Variants in KIRREL1 observed in about 807,000 individuals in gnomAD.
The protein encoded by KIRREL1 is kirre like nephrin family adhesion molecule 1.
In KIRREL1, 25 loss-of-function variants were observed where a neutral mutation model predicts 83.3. That is an observed-to-expected ratio of 0.30 (90% CI 0.22 to 0.42). The LOEUF (loss-of-function observed/expected upper bound fraction) is 0.42. KIRREL1 is among the 10% of genes least tolerant of loss of function. KIRREL1 has a pLI of 1.00. For missense variants in KIRREL1, 812 were observed against 1,032.3 expected, an observed-to-expected ratio of 0.79 and a Z score of 2.92; for synonymous variants, 388 against 410.4, an observed-to-expected ratio of 0.95 and a Z score of 0.66.
intron 1 of KIRREL1, among the ~76,000 whole-genome samples, chr1:158,023,234 T>C (rs1191824705): frequency 6.6e-6 from 1 of 152,182 alleles, no homozygotes; most frequent in East Asian, 1.9e-4. Context: ...GACTGGGCCA[T>C]GCCTTATCAT....
chr1:158,019,698 T>G (rs1337639039), intron 1 of KIRREL1, among the ~76,000 whole-genome samples: 1 of 151,940 alleles, frequency 6.6e-6, no homozygotes, highest in Non-Finnish European at 1.5e-5. Flanking sequence ...TTCCTCAAAT[T>G]CCAGGCTTGT....
chr1:158,058,403 C>G (rs967528602), intron 1 of KIRREL1, among the ~76,000 whole-genome samples: 4 of 152,194 alleles, frequency 2.6e-5, no homozygotes, highest in African/African-American at 9.6e-5. Flanking sequence ...GCTGTCTCTC[C>G]CTCCTCCCTC....
chr1:158,075,952 C>T (rs565659334), intron 1 of KIRREL1, among the ~76,000 whole-genome samples, 161 bp from the exon 2 acceptor site: 3 of 152,188 alleles, frequency 2.0e-5, no homozygotes, highest in Non-Finnish European at 4.4e-5. Flanking sequence ...AAGGACGTGG[C>T]ATCTTGAAAC....
chr1:158,060,361 T>C (rs1661181539), intron 1 of KIRREL1, among the ~76,000 whole-genome samples: 1 of 152,190 alleles, frequency 6.6e-6, no homozygotes, highest in African/African-American at 2.4e-5. Flanking sequence ...CCTCGTTCCC[T>C]TCTACTATTG....
chr1:158,015,214 A>G (rs6701102), intron 1 of KIRREL1, among the ~76,000 whole-genome samples: 281 of 152,298 alleles, frequency 1.8e-3, no homozygotes, highest in African/African-American at 6.4e-3. Context: ...TCTCCTAAGA[A>G]ACTGTGAGTA....
intron 1 of KIRREL1, among the ~76,000 whole-genome samples, chr1:158,000,648 C>A (rs1453552551): frequency 1.3e-5 from 2 of 152,196 alleles, no homozygotes; most frequent in Non-Finnish European, 2.9e-5. Context: ...CCCACTTACT[C>A]TCCCTCTATC....
intron 1 of KIRREL1, among the ~76,000 whole-genome samples, chr1:158,008,703 C>T (rs1461828326): frequency 6.6e-6 from 1 of 152,152 alleles, no homozygotes; most frequent in African/African-American, 2.4e-5. Flanking sequence ...CACCTTTACT[C>T]AGCACCATGT....
chr1:158,053,877 T>G (rs1250754508), intron 1 of KIRREL1, among the ~76,000 whole-genome samples: 1 of 152,126 alleles, frequency 6.6e-6, no homozygotes, highest in Non-Finnish European at 1.5e-5. Context: ...TCAGAGTTCT[T>G]CCAGTTTTTG....
intron 1 of KIRREL1, among the ~76,000 whole-genome samples, chr1:158,029,358 T>TAG (rs1383066440): frequency 6.7e-6 from 1 of 149,594 alleles, no homozygotes; most frequent in African/African-American, 2.5e-5. Flanking sequence ...TGTGTGTGTG[T>TAG]GTGTGTGTGC....
intron 1 of KIRREL1, among the ~76,000 whole-genome samples, chr1:157,994,910 C>T (rs1030091730): frequency 6.6e-6 from 1 of 152,158 alleles, no homozygotes. Flanking sequence ...TCCACCCGAA[C>T]GTTACAACTA....
At chr1:158,062,170 G>T (rs1293441496) in intron 1 of KIRREL1, among the ~76,000 whole-genome samples, 1 of 152,178 alleles carries the variant, frequency 6.6e-6, no homozygotes, top group African/African-American at 2.4e-5. Flanking sequence ...GGCTTCCCTG[G>T]CCTCTGCTCT....
chr1:158,016,168 G>T (rs906304506), intron 1 of KIRREL1, among the ~76,000 whole-genome samples: 1 of 152,066 alleles, frequency 6.6e-6, no homozygotes, highest in African/African-American at 2.4e-5. Context: ...GACAGGTGTA[G>T]TGGCGTCTGC....
chr1:158,040,092 T>G (rs10796990), intron 1 of KIRREL1, among the ~76,000 whole-genome samples: 123,442 of 152,202 alleles, frequency 0.81, 50,620 homozygotes, highest in East Asian at 0.99. Context: ...AAATTGTTGC[T>G]TTCCTTCATT....
intron 10 of KIRREL1, among the ~76,000 whole-genome samples, chr1:158,090,783 T>G (rs3768539): frequency 6.6e-6 from 1 of 152,188 alleles, no homozygotes; most frequent in East Asian, 1.9e-4. Context: ...GATTGAGTTA[T>G]GCTTAGTTAG....
rs374232027 is a variant in KIRREL1, at chr1:158,019,295, A to G, written c.52+25567A>G. 1.4e-3 allele frequency among the ~76,000 whole-genome samples: 220 copies of G among 152,284 alleles called. 1 individual carries two copies. Among genetic ancestry groups the G allele is most frequent in the African/African-American group, 5.1e-3 (213 of 41,556 alleles). ...GCTCCTGTGATGTTAGAGGAAGGGAAGGTGGAAAAAAAAGGCATTGAATTA... is the reference window on the plus strand; with the variant it reads ...GCTCCTGTGATGTTAGAGGAAGGGAGGGTGGAAAAAAAAGGCATTGAATTA... On this transcript the variant is annotated intron_variant, in intron 1 of 14. Transcript: ENST00000359209.
intron 1 of KIRREL1, among the ~76,000 whole-genome samples, chr1:158,042,941 A>G (rs1448410324): frequency 6.7e-6 from 1 of 150,028 alleles, no homozygotes; most frequent in Non-Finnish European, 1.5e-5. Context: ...CAAAAAAATT[A>G]GCCGGGCGTG....
intron 1 of KIRREL1, among the ~76,000 whole-genome samples, chr1:158,042,022 A>G (rs1422543121): frequency 6.6e-6 from 1 of 152,144 alleles, no homozygotes; most frequent in Non-Finnish European, 1.5e-5. Context: ...AACTTGCTAC[A>G]TTGCCTGAGC....
In KIRREL1 at chr1:158,042,777, T is replaced by TC. The variant is rs1660664477; in HGVS notation, c.53-33336_53-33335insC. Among the ~76,000 whole-genome samples, 4 of 152,106 alleles carry TC rather than the reference T, an allele frequency of 2.6e-5. No individual in the cohort carries two copies. The South Asian group carries it at 8.3e-4, about 32-fold the overall frequency. The stretch of plus-strand genomic sequence containing the variant: ...TCTGTGATGTTATTACTATGCCTTA[T>TC]AAATTAGCTTTGCCGGCTGGGCACG... On this transcript the variant is annotated intron_variant, in intron 1 of 14. Coordinates refer to ENST00000359209, the MANE Select transcript of KIRREL1 (RefSeq NM_018240.7).
intron 1 of KIRREL1, among the ~76,000 whole-genome samples, chr1:157,999,234 G>C (rs1420310112): frequency 6.6e-6 from 1 of 152,182 alleles, no homozygotes; most frequent in Non-Finnish European, 1.5e-5. Context: ...AAACTTAGAT[G>C]TCAGGATACA....
Sources: allele counts gnomAD v4.1 joint callset (sites outside exome capture counted in the v4.1 genomes callset), GRCh38; gene constraint gnomAD v4.1.1; transcripts MANE v1.5; gene names NCBI Gene and HGNC (gene_info 2026-07-23, HGNC 2026-07-21).